TTC3: variants seen among roughly 807,000 people sequenced by gnomAD.
TTC3 encodes the protein tetratricopeptide repeat domain 3, also known as E3 ubiquitin-protein ligase TTC3.
In TTC3, 180 loss-of-function variants were observed where a neutral mutation model predicts 249.6. The observed-to-expected ratio is 0.72, with a 90% CI of 0.64 to 0.82. The LOEUF is 0.82. TTC3 is among the 40% of genes least tolerant of loss of function. The pLI is 0.00. For missense variants in TTC3, 2,061 were observed against 2,398.4 expected (o/e 0.86, Z 2.94); for synonymous variants, 717 against 805.0 (o/e 0.89, Z 1.85).
chr21:37,136,462 T>G (rs191140408), intron 18 of TTC3, among the ~76,000 whole-genome samples: 1 of 152,192 alleles, frequency 6.6e-6, no homozygotes, highest in South Asian at 2.1e-4. Flanking sequence ...GCAGAGAGTC[T>G]TAGTGGTCTG....
At chr21:37,144,242 TAA>T (rs377025235) in intron 20 of TTC3, among the ~76,000 whole-genome samples, 3,087 of 150,622 alleles carry the variant, frequency 0.02, 150 homozygotes, top group Admixed American at 0.11. Context: ...TAAAGTATAA[TAA>T]AAAAAATATA....
intron 35 of TTC3, among the ~76,000 whole-genome samples, chr21:37,176,204 G>C (rs955001025): frequency 6.6e-5 from 10 of 152,140 alleles, no homozygotes; most frequent in Non-Finnish European, 1.0e-4. Flanking sequence ...ATTTTTGTTT[G>C]AGAATAAAAT....
chr21:37,144,741 T>C, intron 21 of TTC3, 96 bp downstream of exon 21: 1 of 1,430,680 alleles, frequency 7.0e-7, no homozygotes. Flanking sequence ...GAGCATTCCA[T>C]CCCCACCTCC....
exon 24 of TTC3, chr21:37,150,105 C>G: frequency 1.2e-6 from 2 of 1,612,250 alleles, no homozygotes; most frequent in Non-Finnish European, 1.7e-6. Context: ...ATGTCTTACC[C>G]CTGACTGTGA....
rs77527540 is a variant in TTC3 at position 37,151,824 on chromosome 21, A to C, written c.2277-69A>C. On this transcript the variant is annotated intron_variant, in intron 25 of 45. Transcript: ENST00000355666. ...GGAAAACTTCTAATATATTGCTTGG[A>C]AGATGGTTTCTACGATAGTCAAAGG... The C allele has an allele frequency of 4.5e-3, 6,529 of 1,450,492 alleles. 15 individuals carry two copies. The highest frequency in any genetic ancestry group is 5.0e-3 in the Non-Finnish European group (5,517 of 1,100,512). The allele number at this position is 1,450,492 out of a possible 1,614,324, so 89.9% of individuals were successfully genotyped here.
chr21:37,179,927 C>T (rs143860629), intron 35 of TTC3, among the ~76,000 whole-genome samples: 111 of 152,310 alleles, frequency 7.3e-4, no homozygotes, highest in African/African-American at 2.6e-3. Context: ...ATTGTGTTTT[C>T]ATGTTCTCTA....
intron 12 of TTC3, 26 bp from the exon 13 acceptor site, chr21:37,122,953 ATGTG>A: frequency 2.4e-6 from 3 of 1,236,494 alleles, no homozygotes; most frequent in Non-Finnish European, 3.2e-6. Context: ...ATTGATTACT[ATGTG>A]TGTGTGTGTG....
intron 35 of TTC3, among the ~76,000 whole-genome samples, chr21:37,173,969 C>T (rs2082022664): frequency 6.6e-6 from 1 of 152,190 alleles, no homozygotes; most frequent in Non-Finnish European, 1.5e-5. Flanking sequence ...TTTATATTGC[C>T]TCAGGAAACT....
exon 38 of TTC3, chr21:37,187,144 A>G: frequency 6.3e-7 from 1 of 1,577,730 alleles, no homozygotes; most frequent in Non-Finnish European, 8.6e-7. Flanking sequence ...GTGGCTGCAG[A>G]GGTGAGTCCA....
intron 39 of TTC3, 155 bp downstream of exon 39, chr21:37,188,750 A>G (rs1023006779): frequency 2.1e-6 from 1 of 465,584 alleles, no homozygotes; most frequent in Non-Finnish European, 3.8e-6. Context: ...CATACAAACA[A>G]AAATGATAAA....
intron 19 of TTC3, 83 bp from the exon 20 acceptor site, chr21:37,140,478 T>A (rs982998382): frequency 2.1e-6 from 2 of 951,696 alleles, no homozygotes; most frequent in Admixed American, 5.8e-5. Flanking sequence ...TTTAATATTA[T>A]AAAAAAAATC....
At chr21:37,199,890 C>A (rs1330184925) in intron 44 of TTC3, among the ~76,000 whole-genome samples, 1 of 152,202 alleles carries the variant, frequency 6.6e-6, no homozygotes, top group Non-Finnish European at 1.5e-5. Context: ...CTACCCTCAA[C>A]TGTTAGATGA....
At chr21:37,140,656 A>G (rs1133001) in exon 20 of TTC3, 773,324 of 1,604,898 alleles carry the variant, frequency 0.48, 189,873 homozygotes, top group African/African-American at 0.64. Flanking sequence ...TTGGAAAAGT[A>G]TATTTGAAAA....
exon 42 of TTC3, chr21:37,195,900 C>G (rs140969268): frequency 3.1e-6 from 5 of 1,614,260 alleles, no homozygotes; most frequent in Non-Finnish European, 4.2e-6. Context: ...CCAGGCAGCT[C>G]TGTCAGAACG....
intron 39 of TTC3, among the ~76,000 whole-genome samples, chr21:37,190,553 C>T (rs937311427): frequency 6.6e-6 from 1 of 152,084 alleles, no homozygotes; most frequent in Non-Finnish European, 1.5e-5. Flanking sequence ...GGTAGTCAAC[C>T]GCCTGTACTA....
chr21:37,202,533 C>G (rs2085590680), exon 46 of TTC3: 1 of 152,256 alleles, frequency 6.6e-6, no homozygotes, highest in African/African-American at 2.4e-5. Context: ...TTTAGACAAC[C>G]CTGAGGTATC....
chr21:37,132,761 C>T (rs1333244219), exon 17 of TTC3: 14 of 1,601,342 alleles, frequency 8.7e-6, no homozygotes, highest in African/African-American at 1.3e-5. Context: ...CAGAGCTGCA[C>T]ACCAGGTAAT....
At chr21:37,158,279 A>G in intron 28 of TTC3, 2 of 895,076 alleles carry the variant, frequency 2.2e-6, no homozygotes, top group Non-Finnish European at 2.7e-6. Context: ...ACAACTAAAA[A>G]GGACACAATT....
intron 11 of TTC3, among the ~76,000 whole-genome samples, chr21:37,109,957 G>A (rs188987956): frequency 9.8e-5 from 15 of 152,298 alleles, no homozygotes; most frequent in South Asian, 2.1e-4. Flanking sequence ...ACAGGGTCTC[G>A]AGTGGACCTC....
Sources: allele counts gnomAD v4.1 joint callset (sites outside exome capture counted in the v4.1 genomes callset), GRCh38; gene constraint gnomAD v4.1.1; transcripts MANE v1.5; gene names NCBI Gene and HGNC (gene_info 2026-07-23, HGNC 2026-07-21).